The following CDS1 variants were observed in gnomAD, a reference collection of about 807,000 sequenced individuals.
CDS1 encodes the protein phosphatidate cytidylyltransferase 1.
In CDS1, 41 loss-of-function variants were observed where a neutral mutation model predicts 62.1. The observed-to-expected ratio is 0.66, with a 90% CI of 0.51 to 0.86. The LOEUF (loss-of-function observed/expected upper bound fraction) is 0.86, where lower values mean the gene tolerates loss of function less well. Among genes scored for constraint, CDS1 ranks in the 40% least tolerant of loss-of-function variants. The probability of loss-of-function intolerance (pLI) is 0.00; values close to 1 mark genes in which losing one functional copy is unlikely to be tolerated. For synonymous variants in CDS1, 185 were observed against 192.6 expected (o/e 0.96, Z 0.32); for missense variants, 470 against 550.1 (o/e 0.85, Z 1.46).
intron 1 of CDS1, among the ~76,000 whole-genome samples, chr4:84,602,529 A>G (rs1722967628): frequency 6.6e-6 from 1 of 152,124 alleles, no homozygotes; most frequent in Non-Finnish European, 1.5e-5. Context: ...GTTAGAGTAG[A>G]GGTGGAATTA....
At chr4:84,584,849 G>T (rs1722367958) in intron 1 of CDS1, among the ~76,000 whole-genome samples, 1 of 152,172 alleles carries the variant, frequency 6.6e-6, no homozygotes, top group South Asian at 2.1e-4. Flanking sequence ...GCTACTGAAG[G>T]TTGAAGTTAC....
intron 3 of CDS1, among the ~76,000 whole-genome samples, chr4:84,610,380 A>G (rs769796394): frequency 6.6e-6 from 1 of 152,162 alleles, no homozygotes; most frequent in African/African-American, 2.4e-5. Flanking sequence ...GAGGGTGTCT[A>G]TATAGGGCAC....
At chr4:84,615,536 G>A (rs1287650101) in intron 3 of CDS1, among the ~76,000 whole-genome samples, 1 of 151,966 alleles carries the variant, frequency 6.6e-6, no homozygotes, top group South Asian at 2.1e-4. Context: ...TCCCTCTACA[G>A]GTGGTGACTC....
chr4:84,604,386 G>T lies in CDS1; in HGVS notation c.245+16G>T, dbSNP rs1723029114. On this transcript the variant is annotated intron_variant, in intron 2 of 12. Transcript: ENST00000295887. ...TATCTTCAAGGTATGATTGGATGAAGATGAGTATATCTTAGTGCACAAGAT... is the reference window on the plus strand; with the variant it reads ...TATCTTCAAGGTATGATTGGATGAATATGAGTATATCTTAGTGCACAAGAT... The T allele has an allele frequency of 6.2e-7, 1 of 1,611,310 alleles. No homozygotes were observed. Among genetic ancestry groups the T allele is most frequent in the Non-Finnish European group, 8.5e-7 (1 of 1,178,852 alleles).
At chr4:84,594,293 T>C (rs1722682180) in intron 1 of CDS1, among the ~76,000 whole-genome samples, 2 of 152,220 alleles carry the variant, frequency 1.3e-5, no homozygotes, top group South Asian at 4.1e-4. Flanking sequence ...TTCTAAGGGG[T>C]GCTGGCCACG....
At chr4:84,586,160 A>C (rs1375387311) in intron 1 of CDS1, among the ~76,000 whole-genome samples, 1 of 152,212 alleles carries the variant, frequency 6.6e-6, no homozygotes, top group Non-Finnish European at 1.5e-5. Flanking sequence ...GGCATTGCTT[A>C]GAGCAGTGGT....
intron 1 of CDS1, among the ~76,000 whole-genome samples, chr4:84,588,263 TGAG>T (rs1359788666): frequency 6.6e-6 from 1 of 152,190 alleles, no homozygotes; most frequent in Non-Finnish European, 1.5e-5. Context: ...TTTGTGAAGT[TGAG>T]GAGAAAACAA....
chr4:84,594,063 C>T (rs1180254656), intron 1 of CDS1, among the ~76,000 whole-genome samples: 2 of 152,040 alleles, frequency 1.3e-5, no homozygotes, highest in Non-Finnish European at 2.9e-5. Context: ...CAGCTCAGAG[C>T]TATTTTTCTT....
chr4:84,621,973 A>G (rs1205751688), intron 5 of CDS1, among the ~76,000 whole-genome samples: 1 of 152,232 alleles, frequency 6.6e-6, no homozygotes, highest in Non-Finnish European at 1.5e-5. Flanking sequence ...TTTGGAGAGT[A>G]AAACACTTGA....
chr4:84,592,196 C>T (rs1722613298), intron 1 of CDS1, among the ~76,000 whole-genome samples: 1 of 117,710 alleles, frequency 8.5e-6, no homozygotes, highest in African/African-American at 3.3e-5. Flanking sequence ...CAGAGTCTCA[C>T]TCTGTCACCC....
chr4:84,640,900 A>C lies in CDS1; in HGVS notation c.942A>C (p.Val314=), dbSNP rs763148212. 1 of 1,612,042 alleles carries C rather than the reference A, an allele frequency of 6.2e-7. No individual in the cohort carries two copies. Among genetic ancestry groups the C allele is most frequent in the South Asian group, 1.1e-5 (1 of 90,788 alleles). The change falls in exon 10 of 13, where the codon GTA becomes GTC. Residue 314 remains valine, a synonymous_variant. Coordinates refer to ENST00000295887, the MANE Select transcript of CDS1 (RefSeq NM_001263.4). ...FVCPVEYRSD[V]NSFVTECEPS... ...GCCCAGTGGAATACCGAAGTGATGTAAACTCCTTCGTGACAGAATGTGAGC... is the reference window on the plus strand; with the variant it reads ...GCCCAGTGGAATACCGAAGTGATGTCAACTCCTTCGTGACAGAATGTGAGC...
chr4:84,606,092 ATCTGT>A (rs1165643168), intron 2 of CDS1, among the ~76,000 whole-genome samples: 3 of 152,050 alleles, frequency 2.0e-5, no homozygotes, highest in African/African-American at 7.3e-5. Context: ...TTTACATGTA[ATCTGT>A]TTTATACATT....
intron 3 of CDS1, among the ~76,000 whole-genome samples, chr4:84,610,742 A>C (rs989186608): frequency 1.3e-5 from 2 of 152,154 alleles, no homozygotes; most frequent in Non-Finnish European, 2.9e-5. Flanking sequence ...TTGCCTCATG[A>C]TTTTATTCCA....
intron 10 of CDS1, 41 bp downstream of exon 10, chr4:84,641,031 C>T (rs761923758): frequency 8.0e-7 from 1 of 1,251,082 alleles, no homozygotes; most frequent in East Asian, 2.7e-5. Context: ...AGAGATCTTC[C>T]ACTCTGAAGA....
At chr4:84,619,344 G>C (rs1253481804) in intron 4 of CDS1, 50 bp from the exon 5 acceptor site, 1 of 1,038,730 alleles carries the variant, frequency 9.6e-7, no homozygotes, top group Non-Finnish European at 1.3e-6. Context: ...TTGAGTTTGA[G>C]GGGAAGGAAA....
intron 1 of CDS1, among the ~76,000 whole-genome samples, chr4:84,588,121 A>G (rs1722473507): frequency 6.6e-6 from 1 of 152,196 alleles, no homozygotes; most frequent in African/African-American, 2.4e-5. Context: ...TTCACTTGCT[A>G]GACCCTGAAG....
intron 12 of CDS1, among the ~76,000 whole-genome samples, chr4:84,646,487 T>C (rs1015667436): frequency 6.6e-6 from 1 of 152,186 alleles, no homozygotes; most frequent in African/African-American, 2.4e-5. Context: ...TCCTGCAAGT[T>C]GTGATATTTG....
At chr4:84,592,592 G>T (rs1261162006) in intron 1 of CDS1, among the ~76,000 whole-genome samples, 2 of 152,052 alleles carry the variant, frequency 1.3e-5, no homozygotes, top group African/African-American at 4.8e-5. Context: ...TTGAATGTTT[G>T]TTTGCTTAAG....
chr4:84,634,628 C>T (rs2148656498), intron 7 of CDS1, among the ~76,000 whole-genome samples: 1 of 151,892 alleles, frequency 6.6e-6, no homozygotes, highest in Non-Finnish European at 1.5e-5. Flanking sequence ...AGCTTTATGT[C>T]TTTTTACCAA....
Sources: allele counts gnomAD v4.1 joint callset (sites outside exome capture counted in the v4.1 genomes callset), GRCh38; gene constraint gnomAD v4.1.1; transcripts MANE v1.5; gene names NCBI Gene and HGNC (gene_info 2026-07-23, HGNC 2026-07-21).